Variants in GOSR1 observed in about 807,000 individuals in gnomAD.
GOSR1 encodes the protein 28 kDa Golgi SNARE protein.
In GOSR1, 21 loss-of-function variants were observed where a neutral mutation model predicts 35.5. The observed-to-expected ratio is 0.59, with a 90% CI of 0.42 to 0.85. The LOEUF (loss-of-function observed/expected upper bound fraction) is 0.85. Ranked by LOEUF, GOSR1 falls within the 40% of genes least tolerant of loss-of-function variation. The pLI, the probability that GOSR1 is intolerant of heterozygous loss-of-function variation, is 0.00. For missense variants in GOSR1, 285 were observed against 309.6 expected, an observed-to-expected ratio of 0.92 and a Z score of 0.60; for synonymous variants, 94 against 106.6, an observed-to-expected ratio of 0.88 and a Z score of 0.73.
chr17:30,501,500 CTT>C (rs964383095), intron 6 of GOSR1, among the ~76,000 whole-genome samples: 3 of 144,900 alleles, frequency 2.1e-5, no homozygotes, highest in Non-Finnish European at 1.5e-5. Context: ...TTTTCTTTTT[CTT>C]TTTTTTTTTT....
chr17:30,522,051 A>G (rs571719695), intron 8 of GOSR1, among the ~76,000 whole-genome samples: 1 of 152,016 alleles, frequency 6.6e-6, no homozygotes, highest in East Asian at 1.9e-4. Flanking sequence ...AGACTGGGAG[A>G]TGTGTATTGG....
rs1188615515 is a variant in GOSR1, at chr17:30,525,962, T to C, written c.*3584T>C. 1.3e-5 allele frequency: 2 copies of C among 152,238 alleles called. No individual in the cohort carries two copies. Among genetic ancestry groups the C allele is most frequent in the Non-Finnish European group, 2.9e-5 (2 of 68,074 alleles). 9.4% of individuals were successfully genotyped at this position (152,238 alleles called of 1,614,324 possible). ...AGACAGCTAGGCCAGTGCTTTTTCCTCTTAGGGTTTCTTTGCAGAAAGAAA... is the reference window on the plus strand; with the variant it reads ...AGACAGCTAGGCCAGTGCTTTTTCCCCTTAGGGTTTCTTTGCAGAAAGAAA... On this transcript the variant is annotated 3_prime_UTR_variant, in exon 9 of 9. Transcript: ENST00000451249.
At position 30,522,781 on chromosome 17, in the gene GOSR1, T is replaced by G. The variant is rs1410213305; in HGVS notation, c.*403T>G. On this transcript the variant is annotated 3_prime_UTR_variant, in exon 9 of 9. Transcript: ENST00000451249. ...ACTGCTTTTCTTTTAGCTGCCAGAT[T>G]GGATTGTGAATAAAAATAATTCTTC... 1 of 154,580 alleles carries G rather than the reference T, an allele frequency of 6.5e-6. No individual in the cohort carries two copies. The highest frequency in any genetic ancestry group is 1.4e-5 in the Non-Finnish European group (1 of 69,504). 9.6% of individuals were successfully genotyped at this position (154,580 alleles called of 1,614,324 possible).
At chr17:30,522,104 G>C in intron 8 of GOSR1, 150 bp from the exon 9 acceptor site, 1 of 636,104 alleles carries the variant, frequency 1.6e-6, no homozygotes, top group Non-Finnish European at 2.7e-6. Flanking sequence ...TTGGGCAACT[G>C]CATCTGCTAA....
intron 6 of GOSR1, among the ~76,000 whole-genome samples, chr17:30,507,204 T>G (rs1456466920): frequency 6.6e-6 from 1 of 152,172 alleles, no homozygotes; most frequent in Non-Finnish European, 1.5e-5. Flanking sequence ...TAGTTATTCT[T>G]CTGATGGATC....
At chr17:30,519,530 T>C (rs1967948999) in intron 7 of GOSR1, among the ~76,000 whole-genome samples, 1 of 152,200 alleles carries the variant, frequency 6.6e-6, no homozygotes, top group South Asian at 2.1e-4. Context: ...TCTTTTCTAT[T>C]TTTATAATTA....
At chr17:30,482,361 T>A (rs1914412070) in intron 2 of GOSR1, among the ~76,000 whole-genome samples, 1 of 152,238 alleles carries the variant, frequency 6.6e-6, no homozygotes, top group East Asian at 1.9e-4. Context: ...TTTTTGCTAA[T>A]TAATAATAAT....
At chr17:30,506,120 T>G (rs895405102) in intron 6 of GOSR1, among the ~76,000 whole-genome samples, 2 of 152,190 alleles carry the variant, frequency 1.3e-5, no homozygotes, top group African/African-American at 4.8e-5. Flanking sequence ...AGAACAGTAT[T>G]GAAATTAGGC....
In GOSR1 at chr17:30,523,034, C is replaced by T. The variant is rs942817313; in HGVS notation, c.*656C>T. Reference sequence around the variant, plus strand: ...CAGACGGAGTCTCGTTCACTCAGTGCTCAATGGTGCCCAGGCTGGAGTGCA... The same window carrying T: ...CAGACGGAGTCTCGTTCACTCAGTGTTCAATGGTGCCCAGGCTGGAGTGCA... On this transcript the variant is annotated 3_prime_UTR_variant, in exon 9 of 9. Coordinates refer to ENST00000451249, the MANE Select transcript of GOSR1 (RefSeq NM_001007025.2). 1.0e-5 allele frequency: 2 copies of T among 192,402 alleles called. No homozygotes were observed. The highest frequency in any genetic ancestry group is 6.2e-5 in the Admixed American group (1 of 16,014). 11.9% of individuals were successfully genotyped at this position (192,402 alleles called of 1,614,324 possible).
intron 1 of GOSR1, 170 bp from the exon 2 acceptor site, chr17:30,480,973 A>G (rs976969782): frequency 6.2e-5 from 30 of 487,298 alleles, no homozygotes; most frequent in Admixed American, 9.6e-5. Context: ...TGGCCTCCCA[A>G]AGTGGTGGGA....
intron 6 of GOSR1, chr17:30,495,557 T>A: frequency 2.6e-6 from 1 of 385,326 alleles, no homozygotes; most frequent in East Asian, 7.5e-5. Flanking sequence ...TTACCCAGGC[T>A]GGGACCACCA....
At chr17:30,516,198 C>T (rs766045920) in intron 7 of GOSR1, among the ~76,000 whole-genome samples, 1 of 152,122 alleles carries the variant, frequency 6.6e-6, no homozygotes, top group Non-Finnish European at 1.5e-5. Context: ...CAGCCGGGCG[C>T]GGTGGCTCAC....
chr17:30,481,859 G>A (rs989588632), intron 2 of GOSR1, among the ~76,000 whole-genome samples: 1 of 152,144 alleles, frequency 6.6e-6, no homozygotes, highest in Non-Finnish European at 1.5e-5. Flanking sequence ...GCCAGGCACA[G>A]TAGATGACGC....
At chr17:30,487,766 T>C (rs540654719) in intron 4 of GOSR1, among the ~76,000 whole-genome samples, 4 of 152,284 alleles carry the variant, frequency 2.6e-5, no homozygotes, top group African/African-American at 9.6e-5. Flanking sequence ...TTGATCCAGT[T>C]ATTCTTTTTT....
At chr17:30,494,907 CTTTT>C (rs747137586) in intron 6 of GOSR1, among the ~76,000 whole-genome samples, 1 of 139,402 alleles carries the variant, frequency 7.2e-6, no homozygotes, top group Non-Finnish European at 1.6e-5. Context: ...TGTGCCCAGA[CTTTT>C]TTTTTTTTTT....
At position 30,525,270 on chromosome 17, in the gene GOSR1, G is replaced by T. The variant is rs9913935; in HGVS notation, c.*2892G>T. 10,135 of 152,276 alleles carry T rather than the reference G, an allele frequency of 0.067. 386 individuals are homozygous for T. The highest frequency in any genetic ancestry group is 0.088 in the African/African-American group (3,644 of 41,566). The allele number at this position is 152,276 out of a possible 1,614,324, so 9.4% of individuals were successfully genotyped here. A position where few individuals can be genotyped will look rare whatever the true frequency, so the allele number is the denominator to read the frequency against. On this transcript the variant is annotated 3_prime_UTR_variant, in exon 9 of 9. Coordinates refer to ENST00000451249, the MANE Select transcript of GOSR1 (RefSeq NM_001007025.2). ...CCTGGTTTGGTACAGAGACTGAGAA[G>T]TTTTTCATTCTGGTGTCAAAGTTTT...
chr17:30,483,406 T>C (rs145490155), intron 2 of GOSR1, among the ~76,000 whole-genome samples: 1 of 152,348 alleles, frequency 6.6e-6, no homozygotes, highest in Non-Finnish European at 1.5e-5. Context: ...GCTAGGCATA[T>C]ATCTATGAAT....
intron 1 of GOSR1, chr17:30,480,837 C>T (rs144270961): frequency 6.2e-5 from 12 of 192,672 alleles, no homozygotes; most frequent in African/African-American, 1.6e-4. Context: ...CTCAGCCTTC[C>T]GAGTAGCTGG....
At chr17:30,485,951 C>T (rs1185219799) in intron 4 of GOSR1, among the ~76,000 whole-genome samples, 7 of 143,388 alleles carry the variant, frequency 4.9e-5, no homozygotes, top group South Asian at 2.3e-4. Context: ...ACCCAGGAGG[C>T]GGAGGTTGCA....
Sources: allele counts gnomAD v4.1 joint callset (sites outside exome capture counted in the v4.1 genomes callset), GRCh38; gene constraint gnomAD v4.1.1; transcripts MANE v1.5; gene names NCBI Gene and HGNC (gene_info 2026-07-23, HGNC 2026-07-21).